MOG: variants seen among roughly 807,000 people sequenced by gnomAD.
The protein encoded by MOG is myelin-oligodendrocyte glycoprotein.
A neutral mutation model predicts 35.9 loss-of-function variants in MOG; 20 were observed. The observed-to-expected ratio is 0.56, with a 90% CI of 0.39 to 0.81. The LOEUF (loss-of-function observed/expected upper bound fraction) is 0.81, where lower values mean the gene tolerates loss of function less well. Among genes scored for constraint, MOG ranks in the 30% least tolerant of loss-of-function variants. The pLI is 0.00. For synonymous variants in MOG, 92 were observed against 114.3 expected, an observed-to-expected ratio of 0.80 and a Z score of 1.25; for missense variants, 251 against 301.0, an observed-to-expected ratio of 0.83 and a Z score of 1.23.
rs139213964 is a variant in MOG, at chr6:29,661,688, C to G, written c.436+2022C>G. 2,800 of 821,036 alleles carry G rather than the reference C, an allele frequency of 3.4e-3. 12 individuals carry two copies. Among genetic ancestry groups the G allele is most frequent in the African/African-American group, 9.2e-3 (498 of 53,846 alleles). The allele number at this position is 821,036 out of a possible 1,614,324, so 50.9% of individuals were successfully genotyped here. A position where few individuals can be genotyped will look rare whatever the true frequency, so the allele number is the denominator to read the frequency against. On this transcript the variant is annotated intron_variant, in intron 2 of 7. Coordinates refer to ENST00000376917, the MANE Select transcript of MOG (RefSeq NM_206809.4). ...ACACAAAATTAGCCTGGCGTGGTGG[C>G]GCATTCCTGTAATCCCAGCTGGGAG... is the stretch of plus-strand genomic sequence containing the variant.
At position 29,670,454 on chromosome 6, in the gene MOG, T is replaced by C; in HGVS notation, c.709+57T>C. 2 of 1,569,756 alleles carry C rather than the reference T, an allele frequency of 1.3e-6. No homozygotes were observed. The highest frequency in any genetic ancestry group is 8.8e-7 in the Non-Finnish European group (1 of 1,140,892). On this transcript the variant is annotated intron_variant, in intron 6 of 7. Coordinates refer to ENST00000376917, the MANE Select transcript of MOG (RefSeq NM_206809.4). The surrounding 1 kb of genome is among the most constrained non-coding windows in gnomAD (Gnocchi z 4.2). ...AAATAGTGGGGGACCAAGTCAGCTC[T>C]GAATGGGAAGCCAAAAGAGAATAGA...
At chr6:29,669,946 T>C (rs1197161731) in intron 5 of MOG, among the ~76,000 whole-genome samples, 1 of 152,080 alleles carries the variant, frequency 6.6e-6, no homozygotes, top group East Asian at 1.9e-4. Flanking sequence ...AATTTTTACA[T>C]TTTTAGTAGA....
rs1187550593 is a variant in MOG, at chr6:29,659,682, T to C, written c.436+16T>C. On this transcript the variant is annotated intron_variant, in intron 2 of 7. Coordinates refer to ENST00000376917, the MANE Select transcript of MOG (RefSeq NM_206809.4). ...AAAGTAGAAGGTGAGTAGTGCCATATAATATTAGGTATTAACTGTTGGGTG... is the reference window on the plus strand; with the variant it reads ...AAAGTAGAAGGTGAGTAGTGCCATACAATATTAGGTATTAACTGTTGGGTG... 1 of 1,598,126 alleles carries C rather than the reference T, an allele frequency of 6.3e-7. No homozygotes were observed.
chr6:29,659,009 G>A (rs1179952035), intron 1 of MOG, among the ~76,000 whole-genome samples: 1 of 152,144 alleles, frequency 6.6e-6, no homozygotes, highest in Non-Finnish European at 1.5e-5. Flanking sequence ...CTACTCGGGA[G>A]GCTGAGGCAG....
In MOG at chr6:29,670,130, C is replaced by A; in HGVS notation, c.593-151C>A. On this transcript the variant is annotated intron_variant, in intron 5 of 7. Transcript: ENST00000376917. The surrounding 1 kb of genome is among the most constrained non-coding windows in gnomAD (Gnocchi z 4.2). ...AGTTATTGAAAATAAGGAGGCAGTA[C>A]TTTTCTCATCCAAGTTCATGGACTT... is the stretch of plus-strand genomic sequence containing the variant. 1 of 1,314,188 alleles carries A rather than the reference C, an allele frequency of 7.6e-7. No homozygotes were observed. Among genetic ancestry groups the A allele is most frequent in the Non-Finnish European group, 1.1e-6 (1 of 906,956 alleles). 81.4% of individuals were successfully genotyped at this position (1,314,188 alleles called of 1,614,324 possible). A position where few individuals can be genotyped will look rare whatever the true frequency, so the allele number is the denominator to read the frequency against.
intron 1 of MOG, among the ~76,000 whole-genome samples, chr6:29,658,929 G>A (rs1452456549): frequency 6.6e-6 from 1 of 152,118 alleles, no homozygotes; most frequent in African/African-American, 2.4e-5. Context: ...CTGGCCAACA[G>A]TGTGAAACCT....
intron 2 of MOG, among the ~76,000 whole-genome samples, chr6:29,660,447 C>T (rs1194638190): frequency 1.3e-5 from 2 of 148,556 alleles, no homozygotes; most frequent in South Asian, 2.2e-4. Context: ...AGGAGAATGG[C>T]GTGAACCCGG....
Position 29,670,533 on chromosome 6 carries a change from C to T in MOG, c.709+136C>T, listed in dbSNP as rs150002562. The T allele has an allele frequency of 1.4e-3, 2,066 of 1,509,308 alleles. 13 individuals are homozygous for T. Among genetic ancestry groups the T allele is most frequent in the Middle Eastern group, 0.013 (62 of 4,624 alleles). 93.5% of individuals were successfully genotyped at this position (1,509,308 alleles called of 1,614,324 possible). On this transcript the variant is annotated intron_variant, in intron 6 of 7. Transcript: ENST00000376917. The surrounding 1 kb of genome is among the most constrained non-coding windows in gnomAD (Gnocchi z 4.2). ...ATTTCCTTATTCCTCTGTCCCCATG[C>T]CCAACCCCAGGCTCTTCTGAGAAAC... is the stretch of plus-strand genomic sequence containing the variant.
Position 29,670,806 on chromosome 6 carries a change from T to C in MOG, c.730+85T>C. 6.3e-7 allele frequency: 1 copy of C among 1,590,638 alleles called. No homozygotes were observed. The highest frequency in any genetic ancestry group is 8.6e-7 in the Non-Finnish European group (1 of 1,167,676). ...GCAACAAGAGGAAGAGGCGGGCTAT[T>C]GAGGGATCACATTCCCAGAGGAAAG... On this transcript the variant is annotated intron_variant, in intron 7 of 7. Coordinates refer to ENST00000376917, the MANE Select transcript of MOG (RefSeq NM_206809.4). The surrounding 1 kb of genome is among the most constrained non-coding windows in gnomAD (Gnocchi z 4.2).
In MOG at chr6:29,659,592, A is replaced by G; in HGVS notation, c.362A>G (p.Asp121Gly). 1 of 1,613,136 alleles carries G rather than the reference A, an allele frequency of 6.2e-7. No individual in the cohort carries two copies. Among genetic ancestry groups the G allele is most frequent in the Non-Finnish European group, 8.5e-7 (1 of 1,180,040 alleles). ...TLRIRNVRFS[D>G]EGGFTCFFRD... is the part of the protein sequence containing the mutation. ...AGGATCCGGAATGTAAGGTTCTCAGATGAAGGAGGTTTCACCTGCTTCTTC... is the reference window on the plus strand; with the variant it reads ...AGGATCCGGAATGTAAGGTTCTCAGGTGAAGGAGGTTTCACCTGCTTCTTC... Residue 121 changes from aspartate (D) to glycine (G), a missense_variant, in exon 2 of 8, where the codon GAT becomes GGT. Coordinates refer to ENST00000376917, the MANE Select transcript of MOG (RefSeq NM_206809.4).
At chr6:29,666,619 A>G (rs1003452694) in intron 3 of MOG, among the ~76,000 whole-genome samples, 3 of 152,230 alleles carry the variant, frequency 2.0e-5, no homozygotes, top group African/African-American at 7.2e-5. Context: ...GCTCCATGCA[A>G]CTTGGGAGAG....
At chr6:29,659,804 CAG>C in intron 2 of MOG, 138 bp downstream of exon 2, 1 of 750,312 alleles carries the variant, frequency 1.3e-6, no homozygotes. Flanking sequence ...CATCAATAAA[CAG>C]AAACTCATGC....
chr6:29,670,764 A>T lies in MOG; in HGVS notation c.730+43A>T. The stretch of plus-strand genomic sequence containing the variant: ...TGTTATAAGCAGAGAATAAAAAGCC[A>T]GGAAAGGGAGACAGAAGCAACAAGA... On this transcript the variant is annotated intron_variant, in intron 7 of 7. Transcript: ENST00000376917. The surrounding 1 kb of genome is among the most constrained non-coding windows in gnomAD (Gnocchi z 4.2). The T allele has an allele frequency of 6.2e-7, 1 of 1,608,780 alleles. No homozygotes were observed. Among genetic ancestry groups the T allele is most frequent in the Non-Finnish European group, 8.5e-7 (1 of 1,177,772 alleles).
At chr6:29,659,717 A>G in intron 2 of MOG, 51 bp downstream of exon 2, 6 of 1,455,850 alleles carry the variant, frequency 4.1e-6, no homozygotes, top group Non-Finnish European at 5.7e-6. Flanking sequence ...GGCCAAGAAC[A>G]ATTATTCTCT....
chr6:29,658,066 C>T (rs530709159), intron 1 of MOG, among the ~76,000 whole-genome samples: 3 of 152,202 alleles, frequency 2.0e-5, no homozygotes, highest in Non-Finnish European at 4.4e-5. Flanking sequence ...GAGTTCTCAT[C>T]AGGATTACAT....
At chr6:29,669,386 G>C (rs1225663593) in intron 5 of MOG, among the ~76,000 whole-genome samples, 2 of 151,874 alleles carry the variant, frequency 1.3e-5, no homozygotes, top group Non-Finnish European at 2.9e-5. Flanking sequence ...CACCTCCTGG[G>C]TTCAAGCGAT....
At chr6:29,658,376 A>G (rs570362226) in intron 1 of MOG, among the ~76,000 whole-genome samples, 1 of 151,732 alleles carries the variant, frequency 6.6e-6, no homozygotes, top group African/African-American at 2.4e-5. Context: ...CCACATAGAA[A>G]AAAACAAGGA....
rs1768413285 is a variant in MOG, at chr6:29,660,568, AC to A, written c.436+903del. Among the ~76,000 whole-genome samples the A allele has an allele frequency of 2.7e-5, 4 of 146,286 alleles. No homozygotes were observed. In the Admixed American group the frequency reaches 2.8e-4, roughly 10 times the overall value. On this transcript the variant is annotated intron_variant, in intron 2 of 7. Coordinates refer to ENST00000376917, the MANE Select transcript of MOG (RefSeq NM_206809.4). ...AAACCCTGTATTTGTGAGCGCACAC[AC>A]ACACACACACACACACACACCTGTG...
At chr6:29,659,687 T>C (rs1329820735) in intron 2 of MOG, 21 bp downstream of exon 2, 1 of 1,594,742 alleles carries the variant, frequency 6.3e-7, no homozygotes, top group Non-Finnish European at 8.6e-7. Flanking sequence ...CCATATAATA[T>C]TAGGTATTAA....
Sources: allele counts gnomAD v4.1 joint callset (sites outside exome capture counted in the v4.1 genomes callset), GRCh38; gene constraint gnomAD v4.1.1; non-coding constraint Gnocchi (gnomAD v3.1); transcripts MANE v1.5; gene names NCBI Gene and HGNC (gene_info 2026-07-23, HGNC 2026-07-21).